Variants in LOC128092253 observed in about 807,000 individuals in gnomAD.
chr6:133,973,300 C>A, the LOC128092253 span, among the ~76,000 whole-genome samples: 738 of 152,296 alleles, frequency 4.8e-3, 5 homozygotes, highest in Middle Eastern at 0.031. Flanking sequence ...TCTGCCATTT[C>A]TTAGATCATA....
the LOC128092253 span, among the ~76,000 whole-genome samples, chr6:133,963,225 A>C: frequency 6.6e-6 from 1 of 152,148 alleles, no homozygotes; most frequent in Non-Finnish European, 1.5e-5. Flanking sequence ...AGCCCTTTTT[A>C]AGGATTTATG....
At chr6:133,971,608 T>C in the LOC128092253 span, among the ~76,000 whole-genome samples, 1 of 152,000 alleles carries the variant, frequency 6.6e-6, no homozygotes, top group Non-Finnish European at 1.5e-5. Context: ...TGTTGTTTGT[T>C]TTTTTATAAT....
At chr6:133,978,618 A>G in the LOC128092253 span, among the ~76,000 whole-genome samples, 2 of 152,236 alleles carry the variant, frequency 1.3e-5, no homozygotes, top group African/African-American at 4.8e-5. Flanking sequence ...GAAAAACAAA[A>G]AGATACACAG....
the LOC128092253 span, among the ~76,000 whole-genome samples, chr6:133,974,962 T>C: frequency 6.6e-6 from 1 of 152,140 alleles, no homozygotes; most frequent in Admixed American, 6.6e-5. Flanking sequence ...CCTAAGACAC[T>C]GGGTTATAAT....
chr6:133,958,856 T>C, the LOC128092253 span, among the ~76,000 whole-genome samples: 1 of 152,168 alleles, frequency 6.6e-6, no homozygotes, highest in South Asian at 2.1e-4. Flanking sequence ...TGTGCTGGTT[T>C]TGTTTATTTG....
At chr6:133,965,591 T>A in the LOC128092253 span, among the ~76,000 whole-genome samples, 1 of 151,994 alleles carries the variant, frequency 6.6e-6, no homozygotes, top group Admixed American at 6.6e-5. Context: ...GATGGTTTTG[T>A]TATTGTTGGA....
chr6:133,978,830 A>T, the LOC128092253 span, among the ~76,000 whole-genome samples: 1 of 152,214 alleles, frequency 6.6e-6, no homozygotes, highest in Non-Finnish European at 1.5e-5. Flanking sequence ...TGTTTTAGTT[A>T]TATAATAATT....
chr6:133,978,222 C>G, the LOC128092253 span, among the ~76,000 whole-genome samples: 1 of 152,148 alleles, frequency 6.6e-6, no homozygotes, highest in South Asian at 2.1e-4. Context: ...GGAAGTAGTG[C>G]TAAGAAATCC....
At chr6:133,960,286 TTACTC>T in the LOC128092253 span, among the ~76,000 whole-genome samples, 2 of 152,178 alleles carry the variant, frequency 1.3e-5, no homozygotes, top group African/African-American at 4.8e-5. Flanking sequence ...ACTCTGTTCT[TTACTC>T]TTCTTTTGTA....
chr6:133,962,539 A>G, the LOC128092253 span, among the ~76,000 whole-genome samples: 1 of 152,220 alleles, frequency 6.6e-6, no homozygotes, highest in African/African-American at 2.4e-5. Context: ...ACAAGGAGAT[A>G]GAGCAAGATT....
At chr6:133,969,251 CTTTTTTTTTTT>C in the LOC128092253 span, among the ~76,000 whole-genome samples, 1 of 122,608 alleles carries the variant, frequency 8.2e-6, no homozygotes, top group Non-Finnish European at 1.7e-5. Flanking sequence ...ATAAAATACA[CTTTTTTTTTTT>C]TTTTTTTTTT....
the LOC128092253 span, among the ~76,000 whole-genome samples, chr6:133,977,035 T>C: frequency 3.3e-5 from 5 of 152,152 alleles, no homozygotes; most frequent in East Asian, 9.6e-4. Context: ...ATTCTAATTA[T>C]CCTATTGAAA....
the LOC128092253 span, among the ~76,000 whole-genome samples, chr6:133,970,020 T>A: frequency 6.6e-6 from 1 of 152,354 alleles, no homozygotes; most frequent in South Asian, 2.1e-4. Flanking sequence ...ACTTGTTTTG[T>A]GCCACTCCTA....
chr6:133,976,967 CAAA>C, the LOC128092253 span, among the ~76,000 whole-genome samples: 4 of 62,124 alleles, frequency 6.4e-5, no homozygotes, highest in Non-Finnish European at 6.8e-5. Context: ...GACTTGGTCT[CAAA>C]AAAAAAAAAA....
the LOC128092253 span, among the ~76,000 whole-genome samples, chr6:133,957,650 G>A: frequency 6.6e-6 from 1 of 152,154 alleles, no homozygotes; most frequent in Non-Finnish European, 1.5e-5. Flanking sequence ...TAAAGAGTAC[G>A]GACTCTGGAT....
chr6:133,975,402 G>A, the LOC128092253 span, among the ~76,000 whole-genome samples: 5 of 152,016 alleles, frequency 3.3e-5, no homozygotes, highest in Non-Finnish European at 7.4e-5. Context: ...GAATTTAAAA[G>A]TTTAAATTCA....
At chr6:133,969,004 T>C in the LOC128092253 span, 1 of 152,226 alleles carries the variant, frequency 6.6e-6, no homozygotes, top group African/African-American at 2.4e-5. Context: ...TTAGTATTCG[T>C]CGAAACAGTG....
the LOC128092253 span, among the ~76,000 whole-genome samples, chr6:133,967,908 C>T: frequency 3.3e-5 from 5 of 152,118 alleles, no homozygotes; most frequent in Admixed American, 6.5e-5. Flanking sequence ...AATCTTGTTT[C>T]ATGTGCACAG....
chr6:133,955,095 G>A, the LOC128092253 span, among the ~76,000 whole-genome samples: 1 of 151,912 alleles, frequency 6.6e-6, no homozygotes, highest in South Asian at 2.1e-4. Context: ...AATCTTTGTA[G>A]CAGTTCTGTG....
Sources: allele counts gnomAD v4.1 joint callset (sites outside exome capture counted in the v4.1 genomes callset), GRCh38; gene constraint gnomAD v4.1.1; transcripts MANE v1.5.